NSUN6: variants seen among roughly 807,000 people sequenced by gnomAD.
NSUN6 encodes the protein tRNA (cytosine(72)-C(5))-methyltransferase NSUN6.
NSUN6 carries 64 observed loss-of-function variants against 58.0 expected under a neutral mutation model. The observed-to-expected ratio is 1.10, with a 90% confidence interval of 0.90 to 1.36. The LOEUF (loss-of-function observed/expected upper bound fraction) is 1.36. Among genes scored for constraint, NSUN6 ranks in the 40% most tolerant of loss-of-function variants. The pLI is 0.00. For synonymous variants in NSUN6, 231 were observed against 193.9 expected (o/e 1.19, Z -1.59); for missense variants, 701 against 550.1 (o/e 1.27, Z -2.74).
At chr10:18,608,780 T>C (rs2058128535) in intron 6 of NSUN6, among the ~76,000 whole-genome samples, 1 of 151,962 alleles carries the variant, frequency 6.6e-6, no homozygotes, top group Non-Finnish European at 1.5e-5. Context: ...CGTTGCCAAA[T>C]GAACACAAGT....
chr10:18,643,622 C>G (rs1301987427), intron 2 of NSUN6, among the ~76,000 whole-genome samples: 3 of 152,196 alleles, frequency 2.0e-5, no homozygotes, highest in Admixed American at 6.5e-5. Context: ...AGTTATCCAA[C>G]AGATAACTAA....
chr10:18,557,981 T>G (rs184542053), intron 8 of NSUN6, among the ~76,000 whole-genome samples: 1 of 148,744 alleles, frequency 6.7e-6, no homozygotes, highest in East Asian at 2.0e-4. Flanking sequence ...GAATGAAGAA[T>G]AGAATGCAAC....
At chr10:18,614,675 T>A in intron 4 of NSUN6, 62 bp from the exon 5 acceptor site, 1 of 906,560 alleles carries the variant, frequency 1.1e-6, no homozygotes, top group Non-Finnish European at 1.5e-6. Context: ...TCGTGAAAAT[T>A]ATTTGAGCTA....
At chr10:18,569,028 A>G in intron 8 of NSUN6, among the ~76,000 whole-genome samples, 1 of 145,772 alleles carries the variant, frequency 6.9e-6, no homozygotes, top group South Asian at 2.1e-4. Context: ...CTTCCATTAC[A>G]TTCTCTATTC....
At chr10:18,565,297 T>A (rs1046514467) in intron 8 of NSUN6, among the ~76,000 whole-genome samples, 3 of 150,162 alleles carry the variant, frequency 2.0e-5, no homozygotes, top group African/African-American at 7.3e-5. Context: ...TCCATTCCAT[T>A]CTGCATTCTC....
chr10:18,657,550 T>C (rs2059790717), upstream of NSUN6, among the ~76,000 whole-genome samples: 1 of 152,186 alleles, frequency 6.6e-6, no homozygotes, highest in Non-Finnish European at 1.5e-5. Context: ...CTCTAAAATA[T>C]CATAAAAATG....
chr10:18,636,878 G>T (rs1323210919), intron 3 of NSUN6, among the ~76,000 whole-genome samples: 5 of 142,766 alleles, frequency 3.5e-5, no homozygotes, highest in African/African-American at 1.3e-4. Context: ...GACAGACCAA[G>T]ATTCCATCTC....
At chr10:18,579,405 C>G (rs1483489133) in intron 8 of NSUN6, among the ~76,000 whole-genome samples, 1 of 151,472 alleles carries the variant, frequency 6.6e-6, no homozygotes, top group Non-Finnish European at 1.5e-5. Context: ...CTCCTGACGT[C>G]GTGATCCACC....
At chr10:18,616,357 G>A (rs771998680) in intron 3 of NSUN6, 64 bp from the exon 4 acceptor site, 54 of 962,848 alleles carry the variant, frequency 5.6e-5, no homozygotes, top group Non-Finnish European at 8.3e-5. Context: ...AATTTTTCCC[G>A]TGTTCTATCT....
At chr10:18,635,095 G>A (rs1047582312) in intron 3 of NSUN6, among the ~76,000 whole-genome samples, 12 of 152,306 alleles carry the variant, frequency 7.9e-5, no homozygotes, top group African/African-American at 1.7e-4. Flanking sequence ...GTGCTACGCA[G>A]AGGGTGCCTA....
At chr10:18,560,091 G>A (rs1443287395) in intron 8 of NSUN6, among the ~76,000 whole-genome samples, 1 of 151,066 alleles carries the variant, frequency 6.6e-6, no homozygotes, top group African/African-American at 2.4e-5. Flanking sequence ...ATGGAGAATG[G>A]AATGGAGAAA....
At position 18,623,453 on chromosome 10, in the gene NSUN6, C is replaced by G. The variant is rs759053966; in HGVS notation, c.312-7160G>C. The stretch of plus-strand genomic sequence containing the variant: ...AAATTGGCTGACAGTGAACTTTGAG[C>G]CAAACCTAGTTTCTCAGCACGGTGT... On this transcript the variant is annotated intron_variant, in intron 3 of 10. Transcript: ENST00000377304. Among the ~76,000 whole-genome samples, 115 of 152,256 alleles carry G rather than the reference C, an allele frequency of 7.6e-4. 1 individual carries two copies. The highest frequency in any genetic ancestry group is 2.8e-4 in the Non-Finnish European group (19 of 68,016).
intron 8 of NSUN6, among the ~76,000 whole-genome samples, chr10:18,562,421 A>G (rs1309494313): frequency 6.6e-6 from 1 of 151,192 alleles, no homozygotes; most frequent in East Asian, 1.9e-4. Context: ...GGAATGGAGA[A>G]TGGAATGGAA....
chr10:18,651,784 A>T (rs1044847142), upstream of NSUN6: 3 of 985,316 alleles, frequency 3.0e-6, no homozygotes, highest in Non-Finnish European at 3.6e-6. Context: ...CCTCAGGTTA[A>T]GTAGGCAGAC....
chr10:18,591,524 C>G (rs562765315), intron 7 of NSUN6, among the ~76,000 whole-genome samples: 1 of 152,206 alleles, frequency 6.6e-6, no homozygotes, highest in Non-Finnish European at 1.5e-5. Context: ...TTATCCACCA[C>G]AATCAAGTCA....
Position 18,545,993 on chromosome 10 carries a change from CA to C in NSUN6, c.1349del (p.Leu450ArgfsTer7). 6.3e-7 allele frequency: 1 copy of C among 1,582,610 alleles called. No homozygotes were observed. Among genetic ancestry groups the C allele is most frequent in the Non-Finnish European group, 8.5e-7 (1 of 1,171,668 alleles). On this transcript the variant is annotated frameshift_variant, in exon 11 of 11. Transcript: ENST00000377304. LOFTEE classifies it high-confidence loss of function. The stretch of plus-strand genomic sequence containing the variant: ...AAAAACCTATAGAGTCCTTATTAGC[CA>C]GACGCAACATGTCTTCTCTTCTGGC... ...REARREDMLR[L>X]ANKDSIGFFI...
intron 8 of NSUN6, among the ~76,000 whole-genome samples, chr10:18,554,620 G>A (rs906209538): frequency 6.6e-6 from 1 of 151,216 alleles, no homozygotes; most frequent in Admixed American, 6.6e-5. Flanking sequence ...AAAAGGACTG[G>A]AGAATGGAAT....
chr10:18,572,920 CCTCCATTCCATTCCATTCCTTT>C (rs1461625338), intron 8 of NSUN6, among the ~76,000 whole-genome samples: 1 of 145,392 alleles, frequency 6.9e-6, no homozygotes, highest in African/African-American at 2.5e-5. Context: ...TCCATTCCAT[CCTCCATTCCATTCCATTCCTTT>C]CTCCATTCCA....
intron 8 of NSUN6, among the ~76,000 whole-genome samples, chr10:18,564,441 TC>T (rs2055772228): frequency 6.6e-6 from 1 of 150,926 alleles, no homozygotes; most frequent in Non-Finnish European, 1.5e-5. Context: ...CATTCCACTC[TC>T]TATTCCATTC....
Sources: allele counts gnomAD v4.1 joint callset (sites outside exome capture counted in the v4.1 genomes callset), GRCh38; gene constraint gnomAD v4.1.1; transcripts MANE v1.5; gene names NCBI Gene and HGNC (gene_info 2026-07-23, HGNC 2026-07-21).